NPR3: variants seen among roughly 807,000 people sequenced by gnomAD.
NPR3 encodes the protein natriuretic peptide receptor 3.
In NPR3, 34 loss-of-function variants were observed where a neutral mutation model predicts 54.5. The ratio of observed to expected loss-of-function variants is 0.62; its 90% CI spans 0.47 to 0.83. The LOEUF (loss-of-function observed/expected upper bound fraction) is 0.83, where lower values mean the gene tolerates loss of function less well. Ranked by LOEUF, NPR3 falls within the 40% of genes least tolerant of loss-of-function variation. The pLI is 0.00. For synonymous variants in NPR3, 289 were observed against 297.1 expected, an observed-to-expected ratio of 0.97 and a Z score of 0.28; for missense variants, 674 against 720.8, an observed-to-expected ratio of 0.94 and a Z score of 0.74.
At position 32,712,099 on chromosome 5, in the gene NPR3, G is replaced by C. The variant is rs768371389; in HGVS notation, c.323G>C (p.Cys108Ser). The C allele has an allele frequency of 6.2e-7, 1 of 1,613,814 alleles. No individual in the cohort carries two copies. The highest frequency in any genetic ancestry group is 8.5e-7 in the Non-Finnish European group (1 of 1,179,812). Residue 108 changes from cysteine (C) to serine (S), a missense_variant, in exon 1 of 8, where the codon TGT becomes TCT. By Grantham distance (112) the Cys-to-Ser change is moderately radical. Transcript: ENST00000265074. ...RFQVAYEDSD[C>S]GNRALFSLVD... ...CAGGTGGCTTACGAGGATTCAGACT[G>C]TGGGAACCGTGCGCTCTTCAGCTTG...
chr5:32,708,578 C>T (rs1312656315), upstream of NPR3, among the ~76,000 whole-genome samples: 1 of 152,170 alleles, frequency 6.6e-6, no homozygotes, highest in African/African-American at 2.4e-5. Context: ...AAAATATTCT[C>T]AGGGGATGAA....
At position 32,739,018 on chromosome 5, in the gene NPR3, T is replaced by G. The variant is rs1476039284; in HGVS notation, c.1047T>G (p.Asn349Lys). Residue 349 changes from asparagine to lysine, a missense_variant, in exon 3 of 8, where the codon AAT becomes AAG. Physicochemically the swap from Asn to Lys is moderately conservative, Grantham distance 94. Coordinates refer to ENST00000265074, the MANE Select transcript of NPR3 (RefSeq NM_001204375.2). ...GTTCAGTTGAGAAACAAGGGCTCAA[T>G]ATGGAGGATTACGTAAGTGCCTGAT... ...VKSSVEKQGL[N>K]MEDYVNMFVE... is the part of the protein sequence containing the mutation. 6.2e-7 allele frequency: 1 copy of G among 1,613,804 alleles called. No homozygotes were observed. Among genetic ancestry groups the G allele is most frequent in the Non-Finnish European group, 8.5e-7 (1 of 1,179,822 alleles).
chr5:32,775,554 C>T (rs1742002080), intron 4 of NPR3, among the ~76,000 whole-genome samples: 2 of 152,052 alleles, frequency 1.3e-5, no homozygotes, highest in Non-Finnish European at 2.9e-5. Flanking sequence ...TCTCAGCCTT[C>T]CAAAGTGCTT....
At chr5:32,701,846 C>T (rs1737810547) in intron 1 of NPR3, among the ~76,000 whole-genome samples, 1 of 152,198 alleles carries the variant, frequency 6.6e-6, no homozygotes, top group South Asian at 2.1e-4. Context: ...AGAGACTCTT[C>T]TTCTCTTCCA....
intron 3 of NPR3, among the ~76,000 whole-genome samples, chr5:32,740,436 G>C (rs1300977514): frequency 1.3e-5 from 2 of 151,956 alleles, no homozygotes; most frequent in Non-Finnish European, 2.9e-5. Flanking sequence ...ACATACAAAG[G>C]TTCTTATAAA....
At chr5:32,758,165 T>C (rs1294538866) in intron 3 of NPR3, among the ~76,000 whole-genome samples, 1 of 152,216 alleles carries the variant, frequency 6.6e-6, no homozygotes, top group African/African-American at 2.4e-5. Context: ...TGGAATAGTT[T>C]CAGAAGGAAT....
At chr5:32,713,033 G>C in intron 1 of NPR3, 1 of 371,412 alleles carries the variant, frequency 2.7e-6, no homozygotes, top group Non-Finnish European at 3.7e-6. Context: ...CCCGCTCTTG[G>C]GGTTTCTCTG....
intron 3 of NPR3, among the ~76,000 whole-genome samples, chr5:32,757,238 A>G (rs868392400): frequency 6.6e-6 from 1 of 152,314 alleles, no homozygotes; most frequent in South Asian, 2.1e-4. Context: ...ATCCATGAGC[A>G]TGGAATGTTC....
chr5:32,770,433 A>AAAAAAAAG, intron 3 of NPR3, among the ~76,000 whole-genome samples: 1 of 152,266 alleles, frequency 6.6e-6, no homozygotes, highest in East Asian at 1.9e-4. Context: ...CTGTTTCAAA[A>AAAAAAAAG]AAAAAAAGAA....
chr5:32,744,015 A>T, intron 3 of NPR3, among the ~76,000 whole-genome samples: 1 of 83,594 alleles, frequency 1.2e-5, no homozygotes. Flanking sequence ...TTTTTTTGAG[A>T]CAGAGTCTTG....
chr5:32,707,774 T>A (rs1465088405), upstream of NPR3, among the ~76,000 whole-genome samples: 2 of 152,170 alleles, frequency 1.3e-5, no homozygotes, highest in African/African-American at 2.4e-5. Context: ...TTGCAGAGAC[T>A]GTTACAGTTG....
chr5:32,788,362 G>T lies in NPR3; in HGVS notation c.*2017G>T, dbSNP rs188524414. ...GAAGTAAAATCCAGGCAAGCAAAGC[G>T]TTGTACCACTTGGGACTCCCCAAAG... On this transcript the variant is annotated 3_prime_UTR_variant, in exon 8 of 8. Coordinates refer to ENST00000265074, the MANE Select transcript of NPR3 (RefSeq NM_001204375.2). 6.6e-6 allele frequency: 1 copy of T among 152,218 alleles called. No homozygotes were observed. The highest frequency in any genetic ancestry group is 1.5e-5 in the Non-Finnish European group (1 of 68,040). 9.4% of individuals were successfully genotyped at this position (152,218 alleles called of 1,614,324 possible). A position where few individuals can be genotyped will look rare whatever the true frequency, so the allele number is the denominator to read the frequency against.
chr5:32,778,781 A>G (rs1742196059), intron 4 of NPR3, among the ~76,000 whole-genome samples: 1 of 152,216 alleles, frequency 6.6e-6, no homozygotes, highest in Non-Finnish European at 1.5e-5. Flanking sequence ...CAGAATTGCA[A>G]TAGCTTAAAG....
intron 1 of NPR3, among the ~76,000 whole-genome samples, chr5:32,696,472 C>T (rs766900374): frequency 2.0e-5 from 3 of 151,222 alleles, no homozygotes; most frequent in Admixed American, 2.0e-4. Context: ...CTTAGGATAG[C>T]TTTGGCTATT....
intron 4 of NPR3, among the ~76,000 whole-genome samples, chr5:32,777,534 GC>G (rs1452871206): frequency 1.3e-5 from 2 of 152,166 alleles, no homozygotes; most frequent in Non-Finnish European, 2.9e-5. Context: ...AATGGCAGGA[GC>G]AAATATTGAC....
At chr5:32,693,016 G>T (rs2111804126) in intron 1 of NPR3, among the ~76,000 whole-genome samples, 1 of 152,232 alleles carries the variant, frequency 6.6e-6, no homozygotes, top group African/African-American at 2.4e-5. Context: ...CATCTACTCA[G>T]GAGGCTGAGA....
At chr5:32,727,345 C>G (rs1739189541) in intron 2 of NPR3, among the ~76,000 whole-genome samples, 1 of 152,172 alleles carries the variant, frequency 6.6e-6, no homozygotes. Flanking sequence ...CCAGGCTGGG[C>G]TCGAACTCCT....
At chr5:32,697,223 A>G (rs1338229533) in intron 1 of NPR3, among the ~76,000 whole-genome samples, 1 of 152,170 alleles carries the variant, frequency 6.6e-6, no homozygotes, top group African/African-American at 2.4e-5. Context: ...CTTTTTCAGC[A>G]TCAATTGAAA....
At chr5:32,691,430 A>C (rs1242200228) in intron 1 of NPR3, among the ~76,000 whole-genome samples, 1 of 152,212 alleles carries the variant, frequency 6.6e-6, no homozygotes, top group African/African-American at 2.4e-5. Flanking sequence ...GAGGTGGGTG[A>C]CCTAATTGAG....
Sources: allele counts gnomAD v4.1 joint callset (sites outside exome capture counted in the v4.1 genomes callset), GRCh38; gene constraint gnomAD v4.1.1; transcripts MANE v1.5; gene names NCBI Gene and HGNC (gene_info 2026-07-23, HGNC 2026-07-21).